Variants in FRAS1 observed in about 807,000 individuals in gnomAD.
FRAS1 encodes the protein extracellular matrix organizing protein FRAS1.
Under a neutral mutation model 435.2 loss-of-function variants are expected in FRAS1, and 290 were observed. The observed-to-expected ratio is 0.67, with a 90% confidence interval of 0.61 to 0.73. The LOEUF is 0.73. Among genes scored for constraint, FRAS1 ranks in the 30% least tolerant of loss-of-function variants. The probability of loss-of-function intolerance (pLI) is 0.00; values close to 1 mark genes in which losing one functional copy is unlikely to be tolerated. For missense variants in FRAS1, 4,860 were observed against 5,001.5 expected, an observed-to-expected ratio of 0.97 and a Z score of 0.85; for synonymous variants, 1,800 against 1,851.0, an observed-to-expected ratio of 0.97 and a Z score of 0.71.
intron 2 of FRAS1, among the ~76,000 whole-genome samples, chr4:78,093,402 C>A (rs1414493161): frequency 6.6e-6 from 1 of 152,150 alleles, no homozygotes; most frequent in Non-Finnish European, 1.5e-5. Flanking sequence ...TTTACAGCTG[C>A]TATGACTAAG....
chr4:78,488,324 A>C (rs1359171917), intron 58 of FRAS1, among the ~76,000 whole-genome samples: 4 of 152,200 alleles, frequency 2.6e-5, no homozygotes, highest in Non-Finnish European at 5.9e-5. Flanking sequence ...GCTTCATTTG[A>C]AAATAAGATC....
rs1190199573 is a variant in FRAS1 at position 78,252,486 on chromosome 4, G to A, written c.404G>A (p.Cys135Tyr). The change falls in exon 5 of 74, where the codon TGT (cysteine) becomes TAT (tyrosine). Residue 135 changes from cysteine to tyrosine, a missense_variant. Transcript: ENST00000512123. ...CCCCAACCATGCCCACCGCTGTCAT[G>A]TGGACACCAGGAGCTGGCATTCATC... ...CTPQPCPPLS[C>Y]GHQELAFIPE... 1 of 1,613,656 alleles carries A rather than the reference G, an allele frequency of 6.2e-7. No individual in the cohort carries two copies. Among genetic ancestry groups the A allele is most frequent in the African/African-American group, 1.3e-5 (1 of 74,860 alleles).
intron 2 of FRAS1, among the ~76,000 whole-genome samples, chr4:78,157,870 A>T (rs1287979167): frequency 6.6e-6 from 1 of 152,078 alleles, no homozygotes; most frequent in Admixed American, 6.5e-5. Context: ...TTGAGGGTTC[A>T]GTTTTATTAT....
At chr4:78,382,120 G>C (rs573853800) in intron 27 of FRAS1, among the ~76,000 whole-genome samples, 1 of 152,184 alleles carries the variant, frequency 6.6e-6, no homozygotes, top group African/African-American at 2.4e-5. Context: ...CAACTTATAA[G>C]TGTAGTTGCC....
chr4:78,401,236 G>A lies in FRAS1; in HGVS notation c.4129+349G>A, dbSNP rs560481369. 3.3e-5 allele frequency among the ~76,000 whole-genome samples: 5 copies of A among 151,850 alleles called. 1 individual carries two copies. The highest frequency in any genetic ancestry group is 1.2e-4 in the African/African-American group (5 of 41,518). On this transcript the variant is annotated intron_variant, in intron 30 of 73. Transcript: ENST00000512123. Reference sequence around the variant, plus strand: ...CAGGCTCTCAAACTCTGTATTATATGCCTTTTAGGATATCACTAGACTTCT... The same window carrying A: ...CAGGCTCTCAAACTCTGTATTATATACCTTTTAGGATATCACTAGACTTCT...
At position 78,387,295 on chromosome 4, in the gene FRAS1, G is replaced by A. The variant is rs1732253107; in HGVS notation, c.3649-80G>A. The A allele has an allele frequency of 1.4e-5, 14 of 1,036,674 alleles. 1 individual carries two copies. Among genetic ancestry groups the A allele is most frequent in the Middle Eastern group, 2.7e-4 (1 of 3,642 alleles). 64.2% of individuals were successfully genotyped at this position (1,036,674 alleles called of 1,614,324 possible). A position where few individuals can be genotyped will look rare whatever the true frequency, so the allele number is the denominator to read the frequency against. On this transcript the variant is annotated intron_variant, in intron 28 of 73. Transcript: ENST00000512123. The stretch of plus-strand genomic sequence containing the variant: ...ACTTAGAGTTTCTCAAAAAGTATAG[G>A]AATAACAATCAGGTATCTAGTCCAC...
chr4:78,360,478 A>T (rs1032275053), intron 20 of FRAS1, among the ~76,000 whole-genome samples: 1 of 152,156 alleles, frequency 6.6e-6, no homozygotes, highest in African/African-American at 2.4e-5. Context: ...GAGATAGGGG[A>T]AAACAGGTGG....
At chr4:78,103,140 C>T (rs1221691719) in intron 2 of FRAS1, among the ~76,000 whole-genome samples, 1 of 152,172 alleles carries the variant, frequency 6.6e-6, no homozygotes, top group Non-Finnish European at 1.5e-5. Context: ...AACCCAGCCT[C>T]AACACCATGA....
At chr4:78,270,817 T>C (rs1170578453) in intron 9 of FRAS1, among the ~76,000 whole-genome samples, 2 of 152,128 alleles carry the variant, frequency 1.3e-5, no homozygotes, top group Admixed American at 1.3e-4. Context: ...TTTGTCACAT[T>C]TCTGCAAAAT....
At chr4:78,443,153 A>G (rs921213729) in intron 41 of FRAS1, among the ~76,000 whole-genome samples, 1 of 152,182 alleles carries the variant, frequency 6.6e-6, no homozygotes, top group Admixed American at 6.5e-5. Flanking sequence ...ATTTGAGACC[A>G]GTCTGGGCAA....
chr4:78,531,573 C>T (rs1423078786), intron 70 of FRAS1, among the ~76,000 whole-genome samples: 1 of 152,148 alleles, frequency 6.6e-6, no homozygotes, highest in African/African-American at 2.4e-5. Context: ...TTATCGTAGG[C>T]CTTTTCTTCC....
chr4:78,136,782 G>A (rs922758477), intron 2 of FRAS1, among the ~76,000 whole-genome samples: 12 of 152,204 alleles, frequency 7.9e-5, no homozygotes, highest in African/African-American at 2.9e-4. Context: ...GGACTTCTTA[G>A]AGCTGCTGTG....
chr4:78,530,715 AG>A (rs1460260718), intron 70 of FRAS1, among the ~76,000 whole-genome samples: 1 of 152,148 alleles, frequency 6.6e-6, no homozygotes, highest in Non-Finnish European at 1.5e-5. Flanking sequence ...TTTTGGTACA[AG>A]TACCATGCTG....
Position 78,536,748 on chromosome 4 carries a change from T to C in FRAS1, c.11093-247T>C, listed in dbSNP as rs542812235. Among the ~76,000 whole-genome samples, 4 of 152,238 alleles carry C rather than the reference T, an allele frequency of 2.6e-5. No individual in the cohort carries two copies. The East Asian group carries it at 7.7e-4, about 29-fold the overall frequency. On this transcript the variant is annotated intron_variant, in intron 71 of 73. Transcript: ENST00000512123. ...ACTTTGCTTCCCTTAAATGCTTAAT[T>C]AATGCTTATTGAAAAAAAGAAGGCA... is the stretch of plus-strand genomic sequence containing the variant.
At chr4:78,204,245 A>G (rs1723162225) in intron 2 of FRAS1, among the ~76,000 whole-genome samples, 8 of 152,240 alleles carry the variant, frequency 5.3e-5, no homozygotes, top group Admixed American at 4.6e-4. Flanking sequence ...CAGTGGTTCA[A>G]TATTTATTAA....
At position 78,374,248 on chromosome 4, in the gene FRAS1, A is replaced by G. The variant is rs772554199; in HGVS notation, c.3148A>G (p.Thr1050Ala). The G allele has an allele frequency of 6.4e-7, 1 of 1,573,834 alleles. No homozygotes were observed. Among genetic ancestry groups the G allele is most frequent in the Non-Finnish European group, 8.7e-7 (1 of 1,155,594 alleles). The change falls in exon 25 of 74, where the codon ACA becomes GCA. Residue 1050 changes from threonine (T) to alanine (A), a missense_variant. Coordinates refer to ENST00000512123, the MANE Select transcript of FRAS1 (RefSeq NM_025074.7). ...TGCAGATCATGCAAAGCACAAATGC[A>G]CAGGTAACTTGGAGACTGCTGATTA... is the stretch of plus-strand genomic sequence containing the variant. ...YFADHAKHKC[T>A]ACPQGCLQCS...
At chr4:78,079,888 G>A (rs1740818800) in intron 2 of FRAS1, among the ~76,000 whole-genome samples, 1 of 152,096 alleles carries the variant, frequency 6.6e-6, no homozygotes, top group South Asian at 2.1e-4. Flanking sequence ...GTGAAAGCAC[G>A]CTGGCCAAAG....
At chr4:78,491,127 T>A (rs531451496) in intron 59 of FRAS1, among the ~76,000 whole-genome samples, 1 of 152,218 alleles carries the variant, frequency 6.6e-6, no homozygotes, top group East Asian at 1.9e-4. Flanking sequence ...AATCCCTGAA[T>A]AGACCAGTAA....
At chr4:78,295,111 A>G (rs938725686) in intron 14 of FRAS1, among the ~76,000 whole-genome samples, 5 of 152,134 alleles carry the variant, frequency 3.3e-5, no homozygotes, top group Non-Finnish European at 7.4e-5. Context: ...CCTGTTGTAT[A>G]ATTTTCCATC....
Sources: gnomAD v4.1 joint callset for allele counts (sites outside exome capture counted in the v4.1 genomes callset) on GRCh38, gnomAD v4.1.1 for gene constraint, MANE v1.5 for transcripts, NCBI Gene and HGNC (gene_info 2026-07-23, HGNC 2026-07-21) for gene names.